The following FBN3 variants were observed in gnomAD, a reference collection of about 807,000 sequenced individuals.
FBN3 encodes the protein fibrillin-3.
In FBN3, 234 loss-of-function variants were observed where a neutral mutation model predicts 330.1. The ratio of observed to expected loss-of-function variants is 0.71; its 90% CI spans 0.64 to 0.79. The LOEUF (loss-of-function observed/expected upper bound fraction) is 0.79. Among genes scored for constraint, FBN3 ranks in the 30% least tolerant of loss-of-function variants. The pLI is 0.00. For missense variants in FBN3, 3,606 were observed against 3,886.9 expected (o/e 0.93, Z 1.92); for synonymous variants, 1,458 against 1,517.3 (o/e 0.96, Z 0.91).
chr19:8,119,813 CTTTT>C (rs869084219), intron 25 of FBN3, among the ~76,000 whole-genome samples: 3 of 48,824 alleles, frequency 6.1e-5, no homozygotes, highest in African/African-American at 2.8e-4. Flanking sequence ...CGAGCCCAGC[CTTTT>C]TTTTTTTTTT....
At chr19:8,126,656 A>G (rs1405677257) in intron 19 of FBN3, 51 bp from the exon 20 acceptor site, 3 of 1,594,406 alleles carry the variant, frequency 1.9e-6, no homozygotes. Context: ...CTACACCTGC[A>G]CCCTGACCCA....
intron 13 of FBN3, 25 bp downstream of exon 13, chr19:8,135,936 G>GGGCACCCCCCCCCCC: frequency 3.0e-6 from 2 of 668,778 alleles, no homozygotes; most frequent in Middle Eastern, 4.8e-4. Context: ...GGAAGCCCCT[G>GGGCACCCCCCCCCCC]CCCACCCGCC....
intron 29 of FBN3, among the ~76,000 whole-genome samples, chr19:8,116,133 G>A (rs1032282121): frequency 5.9e-5 from 9 of 152,052 alleles, no homozygotes; most frequent in Admixed American, 5.2e-4. Flanking sequence ...CGGTTTCTTG[G>A]CCGGGAGTTA....
intron 30 of FBN3, among the ~76,000 whole-genome samples, chr19:8,114,665 T>C (rs2144849805): frequency 6.6e-6 from 1 of 151,998 alleles, no homozygotes; most frequent in East Asian, 1.9e-4. Context: ...GCTCAAGCAG[T>C]CCTCCTGCTT....
At chr19:8,143,473 C>T (rs573042761) in intron 6 of FBN3, among the ~76,000 whole-genome samples, 1 of 150,986 alleles carries the variant, frequency 6.6e-6, no homozygotes, top group Non-Finnish European at 1.5e-5. Flanking sequence ...TCACTGTGTC[C>T]GTTCTCCTTT....
At chr19:8,139,448 T>TGA (rs1568455234) in intron 8 of FBN3, among the ~76,000 whole-genome samples, 1 of 152,136 alleles carries the variant, frequency 6.6e-6, no homozygotes, top group East Asian at 1.9e-4. Context: ...ACAGAGGTAG[T>TGA]GAGCTCCCCG....
At position 8,138,252 on chromosome 19, in the gene FBN3, GGAGGCCAGGGAA is replaced by G. The variant is rs778943700; in HGVS notation, c.1078_1089del (p.Phe360_Leu363del). The G allele has an allele frequency of 1.9e-6, 3 of 1,611,824 alleles. No homozygotes were observed. The highest frequency in any genetic ancestry group is 8.5e-7 in the Non-Finnish European group (1 of 1,179,396). On this transcript the variant is annotated inframe_deletion, in exon 10 of 64. Transcript: ENST00000600128. Reference sequence around the variant, plus strand: ...CCCATGCCATTGGATCCGAAGCCCAGGAGGCCAGGGAAGAGGCCAGGGTGGCCGGGTAGCAGC... The same window carrying G: ...CCCATGCCATTGGATCCGAAGCCCAGGAGGCCAGGGTGGCCGGGTAGCAGC...
At position 8,085,328 on chromosome 19, in the gene FBN3, G is replaced by T. The variant is rs148531151; in HGVS notation, c.7087+35C>A. The T allele has an allele frequency of 3.4e-4, 527 of 1,532,890 alleles. 5 individuals are homozygous for T. The African/African-American group carries it at 6.6e-3, about 19-fold the overall frequency. The allele number at this position is 1,532,890 out of a possible 1,614,324, so 95.0% of individuals were successfully genotyped here. ...CCCTGAGCAAACTCCCCCGTTTCTT[G>T]CCTCCCTGGGGGTCCTGAGGGCATG... On this transcript the variant is annotated intron_variant, in intron 56 of 63. Coordinates refer to ENST00000600128, the MANE Select transcript of FBN3 (RefSeq NM_032447.5).
chr19:8,095,266 T>G (rs576691864), intron 46 of FBN3, 109 bp downstream of exon 46: 2 of 1,192,662 alleles, frequency 1.7e-6, no homozygotes, highest in South Asian at 1.7e-5. Flanking sequence ...AATCTTAAAA[T>G]AAATGCTTGG....
At position 8,110,908 on chromosome 19, in the gene FBN3, C is replaced by T. The variant is rs766600710; in HGVS notation, c.4270G>A (p.Gly1424Arg). Reference sequence around the variant, plus strand: ...CCATTGCAGATGCAGCGGAACATTCCAGGCAGGTTCTCACAGCTCCCAAAT... The same window carrying T: ...CCATTGCAGATGCAGCGGAACATTCTAGGCAGGTTCTCACAGCTCCCAAAT... ...CAFGSCENLPGMFRCICNGGY... is the reference protein window; with the variant it reads ...CAFGSCENLPRMFRCICNGGY... Residue 1424 changes from glycine to arginine, a missense_variant, in exon 34 of 64, where the codon GGA becomes AGA. By Grantham distance (125) the Gly-to-Arg change is moderately radical. Coordinates refer to ENST00000600128, the MANE Select transcript of FBN3 (RefSeq NM_032447.5). The T allele has an allele frequency of 1.7e-5, 27 of 1,614,264 alleles. No individual in the cohort carries two copies. The highest frequency in any genetic ancestry group is 1.9e-5 in the Non-Finnish European group (23 of 1,180,046).
In FBN3 at chr19:8,117,169, C is replaced by T. The variant is rs139075860; in HGVS notation, c.3586G>A (p.Asp1196Asn). 9.5e-5 allele frequency: 153 copies of T among 1,614,058 alleles called. 1 individual carries two copies. In the East Asian group the frequency reaches 1.4e-3, roughly 15 times the overall value. Residue 1196 changes from aspartate (D) to asparagine (N), a missense_variant and splice_region_variant, in exon 28 of 64, where the codon GAC becomes AAC. Coordinates refer to ENST00000600128, the MANE Select transcript of FBN3 (RefSeq NM_032447.5). ...GTGGGAAGAAGTTGTGCCCACCTAC[C>T]TGCACATGCCCTTCCGTCGGGCATC... ...SLMPDGRACA[D>N]VDECEENPRV... is the part of the protein sequence containing the mutation.
rs753599265 is a variant in FBN3 at position 8,135,944 on chromosome 19, GCCCACCCCCAA to G, written c.1591+6_1591+16del. The G allele has an allele frequency of 4.7e-4, 477 of 1,017,494 alleles. 6 individuals carry two copies. The highest frequency in any genetic ancestry group is 4.2e-4 in the Admixed American group (6 of 14,202). The allele number at this position is 1,017,494 out of a possible 1,614,324, so 63.0% of individuals were successfully genotyped here. A position where few individuals can be genotyped will look rare whatever the true frequency, so the allele number is the denominator to read the frequency against. ...GGGGCCCGGAAGCCCCTGCCCACCC[GCCCACCCCCAA>G]CTCACCCACACAGTTCTTGCCGTCA... On this transcript the variant is annotated splice_donor_region_variant and intron_variant, in intron 13 of 63. Transcript: ENST00000600128.
chr19:8,109,142 C>G lies in FBN3; in HGVS notation c.4618+85G>C. The G allele has an allele frequency of 3.7e-6, 5 of 1,362,514 alleles. No individual in the cohort carries two copies. The highest frequency in any genetic ancestry group is 5.0e-6 in the Non-Finnish European group (5 of 993,196). 84.4% of individuals were successfully genotyped at this position (1,362,514 alleles called of 1,614,324 possible). Reference sequence around the variant, plus strand: ...TTTTCCTGTCGCCTAAGCCCCCCACCACCGCCATTAGCAGAGGTGACCCCC... The same window carrying G: ...TTTTCCTGTCGCCTAAGCCCCCCACGACCGCCATTAGCAGAGGTGACCCCC... On this transcript the variant is annotated intron_variant, in intron 36 of 63. Transcript: ENST00000600128. This position sits in a 1 kb window ranked among gnomAD's most constrained non-coding sequence, Gnocchi z 5.2.
In FBN3 at chr19:8,095,471, C is replaced by T; in HGVS notation, c.5689G>A (p.Val1897Met). The change falls in exon 46 of 64, where the codon GTG (valine) becomes ATG (methionine). Residue 1897 changes from valine to methionine, a missense_variant. By Grantham distance (21) the Val-to-Met change is conservative. Transcript: ENST00000600128. The part of the protein sequence containing the change: ...FDECTTLVGQ[V>M]CRFGHCLNTA... The stretch of plus-strand genomic sequence containing the variant: ...TTGAGGCAATGGCCAAATCGGCACA[C>T]CTGCCCCACCAGGGTAGTACACTCA... 1 of 1,613,706 alleles carries T rather than the reference C, an allele frequency of 6.2e-7. No individual in the cohort carries two copies.
intron 25 of FBN3, among the ~76,000 whole-genome samples, chr19:8,119,801 A>G (rs1171980679): frequency 1.6e-5 from 2 of 122,900 alleles, no homozygotes; most frequent in East Asian, 5.0e-4. Context: ...GGTATGAGCC[A>G]CCGAGCCCAG....
In FBN3 at chr19:8,090,088, T is replaced by C. The variant is rs2082059880; in HGVS notation, c.6184+11A>G. 6.2e-7 allele frequency: 1 copy of C among 1,612,316 alleles called. No homozygotes were observed. Among genetic ancestry groups the C allele is most frequent in the African/African-American group, 1.3e-5 (1 of 74,834 alleles). ...ATCATCCAGGGAGCCTGGACAGGGGTGGGCACTCACCGCTGCCCTCCTGGG... is the reference window on the plus strand; with the variant it reads ...ATCATCCAGGGAGCCTGGACAGGGGCGGGCACTCACCGCTGCCCTCCTGGG... On this transcript the variant is annotated intron_variant, in intron 49 of 63. Transcript: ENST00000600128.
intron 41 of FBN3, among the ~76,000 whole-genome samples, chr19:8,098,845 G>A (rs2082267157): frequency 6.6e-6 from 1 of 151,712 alleles, no homozygotes; most frequent in African/African-American, 2.4e-5. Context: ...CTATCAATAG[G>A]GGACTGGAAA....
chr19:8,125,390 G>GAA (rs1191522730), intron 22 of FBN3, among the ~76,000 whole-genome samples: 1 of 151,562 alleles, frequency 6.6e-6, no homozygotes. Context: ...CTCCTGCCTG[G>GAA]GTGACAGAGT....
intron 45 of FBN3, 129 bp from the exon 46 acceptor site, chr19:8,095,632 T>C (rs2144725585): frequency 2.2e-6 from 2 of 926,138 alleles, no homozygotes; most frequent in Non-Finnish European, 3.3e-6. Context: ...ATGTATAGAC[T>C]ATGTATATTA....
Sources: gnomAD v4.1 joint callset for allele counts (sites outside exome capture counted in the v4.1 genomes callset) on GRCh38, gnomAD v4.1.1 for gene constraint, Gnocchi (gnomAD v3.1) non-coding constraint, MANE v1.5 for transcripts, NCBI Gene and HGNC (gene_info 2026-07-23, HGNC 2026-07-21) for gene names.